CDH2: variants seen among roughly 807,000 people sequenced by gnomAD.
The protein encoded by CDH2 is cadherin-2.
A neutral mutation model predicts 92.0 loss-of-function variants in CDH2; 17 were observed. The observed-to-expected ratio is 0.18, with a 90% CI of 0.13 to 0.28. CDH2 has a LOEUF of 0.28. CDH2 is among the 10% of genes least tolerant of loss of function. The pLI is 1.00. For synonymous variants in CDH2, 419 were observed against 415.9 expected, an observed-to-expected ratio of 1.01 and a Z score of -0.09; for missense variants, 862 against 1,133.1, an observed-to-expected ratio of 0.76 and a Z score of 3.44.
At chr18:27,968,058 C>A (rs1361009431) in intron 14 of CDH2, among the ~76,000 whole-genome samples, 2 of 152,172 alleles carry the variant, frequency 1.3e-5, no homozygotes, top group Admixed American at 6.5e-5. Flanking sequence ...GGAATGTCTA[C>A]TGGGTGCCAG....
At chr18:28,080,005 A>C (rs1425756790) in intron 2 of CDH2, among the ~76,000 whole-genome samples, 2 of 152,196 alleles carry the variant, frequency 1.3e-5, no homozygotes, top group African/African-American at 4.8e-5. Context: ...CAGCATTACT[A>C]GAGTATGATC....
At chr18:27,956,964 T>C (rs1185498284) in intron 15 of CDH2, among the ~76,000 whole-genome samples, 1 of 152,154 alleles carries the variant, frequency 6.6e-6, no homozygotes, top group African/African-American at 2.4e-5. Flanking sequence ...TTACCCACCT[T>C]TTCTGTTTCA....
intron 1 of CDH2, among the ~76,000 whole-genome samples, chr18:28,152,167 A>T (rs1412311402): frequency 1.3e-5 from 2 of 152,116 alleles, no homozygotes; most frequent in East Asian, 3.9e-4. Context: ...GCCCCTTAAG[A>T]GGGGGTTAAA....
intron 15 of CDH2, among the ~76,000 whole-genome samples, chr18:27,956,186 AG>A (rs1253594261): frequency 6.6e-6 from 1 of 152,182 alleles, no homozygotes; most frequent in African/African-American, 2.4e-5. Flanking sequence ...ATTATTTCAC[AG>A]GATGTACTGT....
chr18:27,997,299 G>A (rs1174172165), intron 7 of CDH2, among the ~76,000 whole-genome samples: 1 of 152,196 alleles, frequency 6.6e-6, no homozygotes, highest in Non-Finnish European at 1.5e-5. Flanking sequence ...TTAATGAAAT[G>A]TCTTCAAAAT....
Position 27,955,761 on chromosome 18 carries a change from G to GTTTTTTTTTT in CDH2, c.2515-3412_2515-3403dup, listed in dbSNP as rs5823568. ...ACAAATCTCTGTTTTCTTTATTTCT[G>GTTTTTTTTTT]TTTTTTTTTTTTTTTTTTTAAAGAG... On this transcript the variant is annotated intron_variant, in intron 15 of 15. Transcript: ENST00000269141. 1.2e-3 allele frequency among the ~76,000 whole-genome samples: 137 copies of GTTTTTTTTTT among 111,676 alleles called. 10 individuals are homozygous for GTTTTTTTTTT. Among genetic ancestry groups the GTTTTTTTTTT allele is most frequent in the African/African-American group, 4.5e-3 (126 of 28,078 alleles). The allele number at this position is 111,676 out of a possible 152,430, so 73.3% of individuals were successfully genotyped here.
At chr18:28,083,560 G>A (rs1437486015) in intron 2 of CDH2, among the ~76,000 whole-genome samples, 1 of 152,124 alleles carries the variant, frequency 6.6e-6, no homozygotes, top group Non-Finnish European at 1.5e-5. Flanking sequence ...AGGTCACAAA[G>A]CTAGTTTGCT....
chr18:28,124,443 T>C (rs1568007580), intron 2 of CDH2, among the ~76,000 whole-genome samples: 1 of 152,100 alleles, frequency 6.6e-6, no homozygotes, highest in East Asian at 1.9e-4. Context: ...CAAGCATGTG[T>C]TTCCCAATTT....
At chr18:27,972,887 G>A (rs755962481) in intron 14 of CDH2, among the ~76,000 whole-genome samples, 2 of 152,186 alleles carry the variant, frequency 1.3e-5, no homozygotes, top group Non-Finnish European at 2.9e-5. Context: ...AGAGAAACTT[G>A]ATTTAGCCTG....
rs1041985 is a variant in CDH2, at chr18:27,963,423, G to C, written c.2448C>G (p.Ala816=). The C allele has an allele frequency of 4.2e-5, 68 of 1,613,604 alleles. No individual in the cohort carries two copies. The highest frequency in any genetic ancestry group is 5.5e-5 in the Non-Finnish European group (65 of 1,179,928). The change falls in exon 15 of 16, where the codon GCC becomes GCG. Residue 816 remains alanine (A), a synonymous_variant. Coordinates refer to ENST00000269141, the MANE Select transcript of CDH2 (RefSeq NM_001792.5). ...IRRMDERPIH[A]EPQYPVRSAA... ...CAGATCGGACCGGATACTGGGGCTC[G>C]GCGTGGATGGGTCTTTCATCCATTC...
chr18:28,057,477 T>C (rs9635986), intron 2 of CDH2, among the ~76,000 whole-genome samples: 30,853 of 151,976 alleles, frequency 0.2, 3,395 homozygotes, highest in East Asian at 0.36. Context: ...ACCAGCCTGG[T>C]CAATGTGGTG....
At chr18:28,059,377 G>A (rs1322199700) in intron 2 of CDH2, among the ~76,000 whole-genome samples, 1 of 152,210 alleles carries the variant, frequency 6.6e-6, no homozygotes, top group Non-Finnish European at 1.5e-5. Context: ...CCTGTACTTA[G>A]TCCAACAGAC....
intron 1 of CDH2, among the ~76,000 whole-genome samples, chr18:28,162,435 A>T (rs2016319668): frequency 6.6e-6 from 1 of 152,140 alleles, no homozygotes. Flanking sequence ...TGATTCACAG[A>T]AGGAACTATC....
At chr18:28,093,939 G>C (rs985489091) in intron 2 of CDH2, among the ~76,000 whole-genome samples, 2 of 152,210 alleles carry the variant, frequency 1.3e-5, no homozygotes, top group African/African-American at 2.4e-5. Flanking sequence ...CGGGGTGCCT[G>C]AGCAGAGGTG....
At chr18:28,122,544 G>T (rs2015608669) in intron 2 of CDH2, among the ~76,000 whole-genome samples, 1 of 152,086 alleles carries the variant, frequency 6.6e-6, no homozygotes, top group African/African-American at 2.4e-5. Context: ...TGGACTCCAT[G>T]GTAAAGAGTG....
At chr18:28,024,973 AT>A (rs1453097862) in intron 2 of CDH2, among the ~76,000 whole-genome samples, 2 of 152,204 alleles carry the variant, frequency 1.3e-5, no homozygotes, top group Non-Finnish European at 2.9e-5. Context: ...AAAACAGTAA[AT>A]GATAAAATTT....
At chr18:28,014,008 TA>T in intron 2 of CDH2, 99 bp from the exon 3 acceptor site, 1 of 756,650 alleles carries the variant, frequency 1.3e-6, no homozygotes, top group East Asian at 2.7e-5. Flanking sequence ...GGTTAAAGGA[TA>T]AAAATACAGT....
chr18:28,045,551 C>T (rs1213665877), intron 2 of CDH2: 2 of 400,852 alleles, frequency 5.0e-6, no homozygotes, highest in South Asian at 2.0e-5. Flanking sequence ...CTGTTTCAGG[C>T]TTCTGCCTTG....
At chr18:27,943,488 TAA>T (rs1909191787) in intron 6 of CDH2, among the ~76,000 whole-genome samples, 1 of 152,238 alleles carries the variant, frequency 6.6e-6, no homozygotes, top group Non-Finnish European at 1.5e-5. Flanking sequence ...AGCATCAACG[TAA>T]AGTTTTCACA....
Sources: gnomAD v4.1 joint callset for allele counts (sites outside exome capture counted in the v4.1 genomes callset) on GRCh38, gnomAD v4.1.1 for gene constraint, MANE v1.5 for transcripts, NCBI Gene and HGNC (gene_info 2026-07-23, HGNC 2026-07-21) for gene names.